Variants in GPR149 observed in about 807,000 individuals in gnomAD.
GPR149 encodes G protein-coupled receptor 149.
Under a neutral mutation model 50.2 loss-of-function variants are expected in GPR149, and 50 were observed. The ratio of observed to expected loss-of-function variants is 1.00; its 90% CI spans 0.79 to 1.26. The LOEUF is 1.26. Ranked by LOEUF, GPR149 falls within the 50% of genes most tolerant of loss-of-function variation. The probability of loss-of-function intolerance (pLI) is 0.00; values close to 1 mark genes in which losing one functional copy is unlikely to be tolerated. For synonymous variants in GPR149, 405 were observed against 358.2 expected (o/e 1.13, Z -1.48); for missense variants, 983 against 895.4 (o/e 1.10, Z -1.25).
At chr3:154,408,112 C>T (rs149880871) in intron 3 of GPR149, among the ~76,000 whole-genome samples, 15 of 151,998 alleles carry the variant, frequency 9.9e-5, no homozygotes, top group Admixed American at 3.9e-4. Context: ...AATAGGTAAA[C>T]GAAGGAGAAG....
chr3:154,427,962 A>G (rs573429277), intron 1 of GPR149, among the ~76,000 whole-genome samples: 2 of 152,270 alleles, frequency 1.3e-5, no homozygotes, highest in East Asian at 1.9e-4. Flanking sequence ...AGACTCCACC[A>G]GAAAGGCACA....
intron 3 of GPR149, among the ~76,000 whole-genome samples, chr3:154,348,691 AG>A (rs1482563230): frequency 6.6e-6 from 1 of 152,186 alleles, no homozygotes; most frequent in African/African-American, 2.4e-5. Context: ...AACAATCCAT[AG>A]GATAACTAGA....
intron 3 of GPR149, among the ~76,000 whole-genome samples, chr3:154,389,642 C>G (rs1715119743): frequency 6.6e-6 from 1 of 152,114 alleles, no homozygotes; most frequent in Non-Finnish European, 1.5e-5. Flanking sequence ...CAGAAACAAA[C>G]AAAAGAGCTC....
intron 3 of GPR149, chr3:154,353,125 C>T: frequency 6.7e-7 from 1 of 1,494,516 alleles, no homozygotes; most frequent in Non-Finnish European, 9.3e-7. Context: ...ATGGCCATTT[C>T]AGTTACATTC....
chr3:154,429,149 G>T lies in GPR149; in HGVS notation c.467C>A (p.Thr156Asn). 1 of 1,613,682 alleles carries T rather than the reference G, an allele frequency of 6.2e-7. No homozygotes were observed. The highest frequency in any genetic ancestry group is 1.1e-5 in the South Asian group (1 of 91,072). Reference sequence around the variant, plus strand: ...GAGCAGCAGACTGGCTGCCCACACGGTCAGCACCACGCCGAGCACCTGGCC... The same window carrying T: ...GAGCAGCAGACTGGCTGCCCACACGTTCAGCACCACGCCGAGCACCTGGCC... ...RSGQVLGVVL[T>N]VWAASLLLSA... The change falls in exon 1 of 4, where the codon ACC (threonine) becomes AAC (asparagine). Residue 156 changes from threonine (T) to asparagine (N), a missense_variant. Physicochemically the swap from Thr to Asn is moderately conservative, Grantham distance 65. Coordinates refer to ENST00000389740, the MANE Select transcript of GPR149 (RefSeq NM_001038705.3).
chr3:154,392,363 A>AAAACAAAC (rs71155010), intron 3 of GPR149, among the ~76,000 whole-genome samples: 14 of 150,220 alleles, frequency 9.3e-5, no homozygotes, highest in East Asian at 5.9e-4. Flanking sequence ...AAGACAAATG[A>AAAACAAAC]AAACAAACAA....
In GPR149 at chr3:154,421,409, T is replaced by C. The variant is rs777285501; in HGVS notation, c.1253A>G (p.Tyr418Cys). 3 of 1,610,486 alleles carry C rather than the reference T, an allele frequency of 1.9e-6. No individual in the cohort carries two copies. The highest frequency in any genetic ancestry group is 2.2e-5 in the East Asian group (1 of 44,864). ...GAATATGGAATTTTCATCATCATCA[T>C]AGTAATCTTCATGTGCTATTTTATA... ...GIYKIAHEDY[Y>C]DDDENSIFYH... is the part of the protein sequence containing the mutation. The change falls in exon 3 of 4, where the codon TAT becomes TGT. Residue 418 changes from tyrosine (Y) to cysteine (C), a missense_variant. Tyr to Cys is a radical substitution (Grantham distance 194). Coordinates refer to ENST00000389740, the MANE Select transcript of GPR149 (RefSeq NM_001038705.3).
chr3:154,429,165 G>C lies in GPR149; in HGVS notation c.451C>G (p.Leu151Val), dbSNP rs200747445. 1.9e-6 allele frequency: 3 copies of C among 1,613,864 alleles called. No homozygotes were observed. Among genetic ancestry groups the C allele is most frequent in the Admixed American group, 3.3e-5 (2 of 60,024 alleles). Residue 151 changes from leucine (L) to valine (V), a missense_variant, in exon 1 of 4, where the codon CTC (leucine) becomes GTC (valine). Physicochemically the swap from Leu to Val is conservative, Grantham distance 32 (BLOSUM62 1). Transcript: ENST00000389740. Reference protein sequence around the residue: ...QTASRRSGQVLGVVLTVWAAS... With the variant: ...QTASRRSGQVVGVVLTVWAAS... ...GCCCACACGGTCAGCACCACGCCGA[G>C]CACCTGGCCCGATCTTCTGGAGGCT... is the stretch of plus-strand genomic sequence containing the variant.
chr3:154,377,516 G>T (rs903914640), intron 3 of GPR149, among the ~76,000 whole-genome samples: 1 of 151,728 alleles, frequency 6.6e-6, no homozygotes, highest in East Asian at 1.9e-4. Context: ...ACAGGCGTGC[G>T]CCACCATGCC....
intron 3 of GPR149, among the ~76,000 whole-genome samples, chr3:154,398,256 A>G (rs1715340435): frequency 6.6e-6 from 1 of 152,182 alleles, no homozygotes; most frequent in Non-Finnish European, 1.5e-5. Flanking sequence ...AGTTTGTTAC[A>G]CACTGCTAAG....
chr3:154,403,468 CTTTAGTTTTGTTCTGTTCTTT>C (rs1333968003), intron 3 of GPR149, among the ~76,000 whole-genome samples: 6 of 152,100 alleles, frequency 3.9e-5, no homozygotes, highest in Non-Finnish European at 8.8e-5. Context: ...GTTTTGTTAG[CTTTAGTTTTGTTCTGTTCTTT>C]TTTAGTTAGA....
At chr3:154,387,485 T>C (rs75532522) in intron 3 of GPR149, among the ~76,000 whole-genome samples, 1 of 152,296 alleles carries the variant, frequency 6.6e-6, no homozygotes, top group Non-Finnish European at 1.5e-5. Context: ...CTTCTCACGG[T>C]GTCTGAGGTT....
chr3:154,400,087 C>G (rs369478270), intron 3 of GPR149, among the ~76,000 whole-genome samples: 1 of 152,064 alleles, frequency 6.6e-6, no homozygotes, highest in Non-Finnish European at 1.5e-5. Context: ...CCCGGGTTCA[C>G]GCCATTCTCC....
At chr3:154,418,024 C>T (rs1272292740) in intron 3 of GPR149, among the ~76,000 whole-genome samples, 1 of 151,140 alleles carries the variant, frequency 6.6e-6, no homozygotes, top group African/African-American at 2.4e-5. Flanking sequence ...AGACACTTCT[C>T]AAAAGAAGAC....
intron 3 of GPR149, among the ~76,000 whole-genome samples, chr3:154,364,912 C>A (rs1714494153): frequency 6.6e-6 from 1 of 152,188 alleles, no homozygotes; most frequent in Admixed American, 6.5e-5. Flanking sequence ...GAGACATTGA[C>A]TAAGTAGAGA....
chr3:154,394,947 T>G (rs2108414693), intron 3 of GPR149, among the ~76,000 whole-genome samples: 1 of 152,302 alleles, frequency 6.6e-6, no homozygotes, highest in East Asian at 1.9e-4. Flanking sequence ...TTCCATCTAC[T>G]ATTTATTATT....
intron 3 of GPR149, among the ~76,000 whole-genome samples, chr3:154,398,851 C>G (rs1715355106): frequency 6.6e-6 from 1 of 152,136 alleles, no homozygotes; most frequent in Non-Finnish European, 1.5e-5. Context: ...AAGATTGGAT[C>G]AAGTCAACTC....
intron 3 of GPR149, among the ~76,000 whole-genome samples, chr3:154,405,830 T>A (rs1239006149): frequency 1.3e-5 from 2 of 151,776 alleles, no homozygotes; most frequent in Admixed American, 6.6e-5. Flanking sequence ...ATACAAGTAC[T>A]TAGAAAAAAG....
chr3:154,370,700 T>C (rs760737672), intron 3 of GPR149, among the ~76,000 whole-genome samples: 11 of 152,124 alleles, frequency 7.2e-5, no homozygotes, highest in Non-Finnish European at 1.6e-4. Context: ...GTCCAGGAAG[T>C]GGACTTCCTC....
Sources: allele counts gnomAD v4.1 joint callset (sites outside exome capture counted in the v4.1 genomes callset), GRCh38; gene constraint gnomAD v4.1.1; transcripts MANE v1.5; gene names NCBI Gene and HGNC (gene_info 2026-07-23, HGNC 2026-07-21).